The following IMPG2 variants were observed in gnomAD, a reference collection of about 807,000 sequenced individuals.
IMPG2 encodes the protein IPM 200.
IMPG2 carries 91 observed loss-of-function variants against 129.2 expected under a neutral mutation model. The observed-to-expected ratio is 0.70, with a 90% CI of 0.59 to 0.84. The LOEUF (loss-of-function observed/expected upper bound fraction) is 0.84, where lower values mean the gene tolerates loss of function less well. Ranked by LOEUF, IMPG2 falls within the 40% of genes least tolerant of loss-of-function variation. The pLI is 0.00. For synonymous variants in IMPG2, 510 were observed against 517.7 expected (o/e 0.99, Z 0.20); for missense variants, 1,430 against 1,461.7 (o/e 0.98, Z 0.35).
chr3:101,288,731 A>G (rs1706972937), intron 4 of IMPG2, among the ~76,000 whole-genome samples: 1 of 152,112 alleles, frequency 6.6e-6, no homozygotes, highest in Non-Finnish European at 1.5e-5. Flanking sequence ...GAAAAACTAC[A>G]TATTGGGTAC....
chr3:101,246,361 TCAAA>T (rs1464832095), intron 11 of IMPG2, among the ~76,000 whole-genome samples: 3 of 152,110 alleles, frequency 2.0e-5, no homozygotes, highest in Non-Finnish European at 4.4e-5. Context: ...TTAAAAGCCC[TCAAA>T]CAAAGTGAAT....
At chr3:101,233,107 C>G in intron 14 of IMPG2, 116 bp from the exon 15 acceptor site, 1 of 857,508 alleles carries the variant, frequency 1.2e-6, no homozygotes, top group Non-Finnish European at 1.9e-6. Context: ...TTTCCAGAAC[C>G]ATTAAAGTAC....
In IMPG2 at chr3:101,242,839, GC is replaced by G. The variant is rs1436838547; in HGVS notation, c.2870del (p.Gly957AlafsTer5). 6.2e-7 allele frequency: 1 copy of G among 1,613,932 alleles called. No individual in the cohort carries two copies. Among genetic ancestry groups the G allele is most frequent in the Non-Finnish European group, 8.5e-7 (1 of 1,179,962 alleles). On this transcript the variant is annotated frameshift_variant, in exon 14 of 19. Transcript: ENST00000193391. LOFTEE classifies it high-confidence loss of function. ...QNLEILNFRN[G>X]SIVVNSRMKF... ...TCATTCGACTGTTCACCACAATGCTGCCATTTCTGAAGTTGAGGATTTCTAA... is the reference window on the plus strand; with the variant it reads ...TCATTCGACTGTTCACCACAATGCTGCATTTCTGAAGTTGAGGATTTCTAA...
At chr3:101,234,514 T>A (rs529297305) in intron 14 of IMPG2, among the ~76,000 whole-genome samples, 65 of 152,254 alleles carry the variant, frequency 4.3e-4, no homozygotes, top group African/African-American at 1.5e-3. Context: ...AGGAAACTAA[T>A]ACAGGGGACC....
At chr3:101,270,173 G>C (rs1706766395) in intron 7 of IMPG2, among the ~76,000 whole-genome samples, 1 of 151,944 alleles carries the variant, frequency 6.6e-6, no homozygotes, top group South Asian at 2.1e-4. Context: ...CTGACCTCAG[G>C]TGATCCACCT....
chr3:101,266,667 CAGTT>C (rs1232248729), intron 9 of IMPG2, among the ~76,000 whole-genome samples: 1 of 152,152 alleles, frequency 6.6e-6, no homozygotes, highest in African/African-American at 2.4e-5. Flanking sequence ...TATCTCAAGA[CAGTT>C]AGTCAACAAC....
intron 9 of IMPG2, among the ~76,000 whole-genome samples, chr3:101,265,252 A>C (rs138439435): frequency 1.3e-5 from 2 of 152,242 alleles, no homozygotes; most frequent in African/African-American, 4.8e-5. Flanking sequence ...TCCTAAGAAA[A>C]AATAACAAAG....
At chr3:101,296,849 T>C (rs1251821172) in intron 3 of IMPG2, among the ~76,000 whole-genome samples, 1 of 152,190 alleles carries the variant, frequency 6.6e-6, no homozygotes, top group African/African-American at 2.4e-5. Context: ...GTCTTCTAGA[T>C]TTTCTAGTTT....
intron 3 of IMPG2, among the ~76,000 whole-genome samples, chr3:101,303,248 C>A (rs754358389): frequency 6.6e-6 from 1 of 152,124 alleles, no homozygotes; most frequent in Non-Finnish European, 1.5e-5. Context: ...ATATTTACTA[C>A]CTTATGGGAA....
Position 101,280,018 on chromosome 3 carries a change from T to A in IMPG2, c.534-3305A>T, listed in dbSNP as rs115228727. Among the ~76,000 whole-genome samples, 5 of 152,328 alleles carry A rather than the reference T, an allele frequency of 3.3e-5. No homozygotes were observed. The South Asian group carries it at 1.0e-3, about 32-fold the overall frequency. On this transcript the variant is annotated intron_variant, in intron 4 of 18. Coordinates refer to ENST00000193391, the MANE Select transcript of IMPG2 (RefSeq NM_016247.4). ...CACAGCACTGGAACACAGAGGTGTA[T>A]TGAGCTTGGAAAGAGAAATACTACT...
intron 11 of IMPG2, among the ~76,000 whole-genome samples, chr3:101,251,219 A>C (rs1706540699): frequency 6.6e-6 from 1 of 152,230 alleles, no homozygotes; most frequent in Non-Finnish European, 1.5e-5. Context: ...TCAAGCAGTA[A>C]TATACCATTT....
intron 18 of IMPG2, 126 bp downstream of exon 18, chr3:101,228,671 A>C: frequency 1.3e-6 from 1 of 759,554 alleles, no homozygotes; most frequent in South Asian, 1.5e-5. Flanking sequence ...AACTCAACAA[A>C]TGTTGGTTAT....
chr3:101,257,617 T>G lies in IMPG2; in HGVS notation c.1065A>C (p.Arg355Ser). ...GCTGCAATGTCTCAGCAATATAATC[T>G]CTGAAGTTACTGATTGTATAAACAA... ...PTVVYTISNF[R>S]DYIAETLQQN... Residue 355 changes from arginine (R) to serine (S), a missense_variant, in exon 10 of 19, where the codon AGA becomes AGC. By Grantham distance (110) the Arg-to-Ser change is moderately radical. Transcript: ENST00000193391. The G allele has an allele frequency of 6.2e-7, 1 of 1,613,378 alleles. No individual in the cohort carries two copies. The highest frequency in any genetic ancestry group is 1.3e-5 in the African/African-American group (1 of 74,972).
At chr3:101,238,095 A>C (rs1463444182) in intron 14 of IMPG2, among the ~76,000 whole-genome samples, 4 of 151,986 alleles carry the variant, frequency 2.6e-5, no homozygotes, top group Non-Finnish European at 5.9e-5. Flanking sequence ...TCAATAGCTG[A>C]ATCAATCAAG....
intron 1 of IMPG2, 24 bp from the exon 2 acceptor site, chr3:101,319,856 GTC>G (rs758519995): frequency 6.2e-7 from 1 of 1,605,638 alleles, no homozygotes; most frequent in South Asian, 1.1e-5. Context: ...GTATAGTCAA[GTC>G]TTCGATAATG....
intron 7 of IMPG2, among the ~76,000 whole-genome samples, chr3:101,270,361 A>G (rs1706769143): frequency 6.6e-6 from 1 of 152,182 alleles, no homozygotes; most frequent in Non-Finnish European, 1.5e-5. Context: ...AAAGAGAACC[A>G]CAAACACACT....
At chr3:101,317,937 C>T (rs489455) in intron 2 of IMPG2, among the ~76,000 whole-genome samples, 108,750 of 151,394 alleles carry the variant, frequency 0.72, 40,204 homozygotes, top group East Asian at 0.84. Context: ...ATATAAAGTA[C>T]GGTGAGACCC....
chr3:101,320,301 A>G lies in IMPG2; in HGVS notation c.72T>C (p.Phe24=), dbSNP rs1393220954. ...ILIFVLIEGD[F]PSLTAQTYLS... The stretch of plus-strand genomic sequence containing the variant: ...ATTTTTAAATACCTGTTAATGATGG[A>G]AAGTCTCCTTCTATCAGGACAAATA... Residue 24 remains phenylalanine, a synonymous_variant, in exon 1 of 19, where the codon TTT becomes TTC. Coordinates refer to ENST00000193391, the MANE Select transcript of IMPG2 (RefSeq NM_016247.4). 3 of 1,570,602 alleles carry G rather than the reference A, an allele frequency of 1.9e-6. No homozygotes were observed. Among genetic ancestry groups the G allele is most frequent in the Non-Finnish European group, 2.6e-6 (3 of 1,141,328 alleles).
intron 6 of IMPG2, 146 bp downstream of exon 6, chr3:101,275,517 T>G: frequency 1.5e-6 from 1 of 669,022 alleles, no homozygotes; most frequent in Non-Finnish European, 2.7e-6. Context: ...CAAAATTGTT[T>G]TTAATGTACT....
Sources: allele counts gnomAD v4.1 joint callset (sites outside exome capture counted in the v4.1 genomes callset), GRCh38; gene constraint gnomAD v4.1.1; transcripts MANE v1.5; gene names NCBI Gene and HGNC (gene_info 2026-07-23, HGNC 2026-07-21).